PRPF8: variants seen among roughly 807,000 people sequenced by gnomAD.
The protein encoded by PRPF8 is pre-mRNA-processing-splicing factor 8.
PRPF8 carries 64 observed loss-of-function variants against 285.9 expected under a neutral mutation model. The ratio of observed to expected loss-of-function variants is 0.22; its 90% CI spans 0.18 to 0.28. PRPF8 has a LOEUF of 0.28. PRPF8 is among the 10% of genes least tolerant of loss of function. The pLI is 1.00. For synonymous variants in PRPF8, 1,325 were observed against 1,118.2 expected, an observed-to-expected ratio of 1.18 and a Z score of -3.69; for missense variants, 1,426 against 3,026.7, an observed-to-expected ratio of 0.47 and a Z score of 12.41.
rs1156684617 is a variant in PRPF8, at chr17:1,658,474, TC to T, written c.5376+51del. ...TGTGTACACACTTAGCCCATTACTC[TC>T]CCACAGCCATGTACAGAGTCCCGCA... On this transcript the variant is annotated intron_variant, in intron 33 of 42. Transcript: ENST00000304992. The surrounding 1 kb of genome is among the most constrained non-coding windows in gnomAD (Gnocchi z 4.1). 3 of 1,613,358 alleles carry T rather than the reference TC, an allele frequency of 1.9e-6. No homozygotes were observed. The highest frequency in any genetic ancestry group is 2.5e-6 in the Non-Finnish European group (3 of 1,179,452).
chr17:1,653,602 G>C lies in PRPF8; in HGVS notation c.6309C>G (p.Thr2103=). Residue 2103 remains threonine, a synonymous_variant, in exon 39 of 43, where the codon ACC becomes ACG. Transcript: ENST00000304992. This position sits in a 1 kb window ranked among gnomAD's most constrained non-coding sequence, Gnocchi z 4.9. ...TAAGCACATTCTTGGGAAGGATGTAGGTGTAGCCAGTCTCCTTGATGTCGT... is the reference window on the plus strand; with the variant it reads ...TAAGCACATTCTTGGGAAGGATGTACGTGTAGCCAGTCTCCTTGATGTCGT... ...SSDDIKETGY[T]YILPKNVLKK... The C allele has an allele frequency of 6.2e-7, 1 of 1,614,210 alleles. No homozygotes were observed. Among genetic ancestry groups the C allele is most frequent in the Non-Finnish European group, 8.5e-7 (1 of 1,180,042 alleles).
intron 3 of PRPF8, 188 bp downstream of exon 3, chr17:1,683,345 G>C (rs1913041428): frequency 1.4e-6 from 1 of 702,726 alleles, no homozygotes; most frequent in African/African-American, 1.8e-5. Flanking sequence ...ACCAGTCCCA[G>C]ATCGGGAAGA....
At chr17:1,683,273 G>T in intron 3 of PRPF8, 1 of 504,548 alleles carries the variant, frequency 2.0e-6, no homozygotes, top group Non-Finnish European at 3.6e-6. Context: ...GGGATTACAG[G>T]CATGAGCCAC....
At chr17:1,663,215 A>C (rs535371111) in intron 24 of PRPF8, among the ~76,000 whole-genome samples, 90 of 152,316 alleles carry the variant, frequency 5.9e-4, no homozygotes, top group Non-Finnish European at 1.0e-3. Context: ...AAAACCATGT[A>C]GCCAAATAAG....
rs540982516 is a variant in PRPF8, at chr17:1,656,864, G to C, written c.5506-103C>G. The C allele has an allele frequency of 1.9e-5, 20 of 1,026,030 alleles. No homozygotes were observed. The South Asian group carries it at 2.4e-4, about 13-fold the overall frequency. The allele number at this position is 1,026,030 out of a possible 1,614,324, so 63.6% of individuals were successfully genotyped here. On this transcript the variant is annotated intron_variant, in intron 34 of 42. Transcript: ENST00000304992. ...GAAATAATCCAACTACGTTTCTATT[G>C]AACACTGATGTTAAATGTTAGGCAC...
chr17:1,667,057 C>T (rs1051118959), intron 24 of PRPF8, among the ~76,000 whole-genome samples: 3 of 152,072 alleles, frequency 2.0e-5, no homozygotes, highest in Non-Finnish European at 4.4e-5. Flanking sequence ...CCTGTAATCC[C>T]AGCTACTCAG....
intron 30 of PRPF8, 64 bp from the exon 31 acceptor site, chr17:1,660,065 C>A: frequency 6.4e-7 from 1 of 1,558,808 alleles, no homozygotes; most frequent in South Asian, 1.1e-5. Flanking sequence ...AGAGTTTGTA[C>A]AATAAGATAA....
chr17:1,650,729 T>G lies in PRPF8; in HGVS notation c.*73A>C. Reference sequence around the variant, plus strand: ...GACAGAGGGAAAGAGGCCAAACTGCTGAATGTCAGCGGCCTGTCTGGAGGG... The same window carrying G: ...GACAGAGGGAAAGAGGCCAAACTGCGGAATGTCAGCGGCCTGTCTGGAGGG... On this transcript the variant is annotated 3_prime_UTR_variant, in exon 43 of 43. Coordinates refer to ENST00000304992, the MANE Select transcript of PRPF8 (RefSeq NM_006445.4). 1 of 1,577,158 alleles carries G rather than the reference T, an allele frequency of 6.3e-7. No individual in the cohort carries two copies. Among genetic ancestry groups the G allele is most frequent in the Non-Finnish European group, 8.7e-7 (1 of 1,148,400 alleles).
rs772763519 is a variant in PRPF8 at position 1,680,732 on chromosome 17, T to C, written c.1092A>G (p.Ser364=). Residue 364 remains serine, a synonymous_variant, in exon 8 of 43, where the codon TCA becomes TCG. Coordinates refer to ENST00000304992, the MANE Select transcript of PRPF8 (RefSeq NM_006445.4). ...PLINPISHRH[S]VKSQEPLPDD... ...CATCCCTTCCCTTCCTCACCTTGAC[T>C]GAGTGCCTATGGGAGATTGGGTTGA... The C allele has an allele frequency of 6.2e-7, 1 of 1,612,128 alleles. No homozygotes were observed. Among genetic ancestry groups the C allele is most frequent in the East Asian group, 2.2e-5 (1 of 44,872 alleles).
In PRPF8 at chr17:1,658,637, T is replaced by A. The variant is rs777758621; in HGVS notation, c.5265A>T (p.Ser1755=). The change falls in exon 33 of 43, where the codon TCA becomes TCT. Residue 1755 remains serine, a synonymous_variant. Transcript: ENST00000304992. This position sits in a 1 kb window ranked among gnomAD's most constrained non-coding sequence, Gnocchi z 4.1. ...ACAAATAAGGCTCAGTGGGTTCAGA[T>A]GAATAGAGCTGTAGCCCCTTGCGGA... is the stretch of plus-strand genomic sequence containing the variant. ...ERIRKGLQLY[S]SEPTEPYLSS... 4 of 1,614,218 alleles carry A rather than the reference T, an allele frequency of 2.5e-6. No homozygotes were observed. Among genetic ancestry groups the A allele is most frequent in the South Asian group, 1.1e-5 (1 of 91,090 alleles).
At chr17:1,668,501 C>A (rs1164027035) in intron 24 of PRPF8, among the ~76,000 whole-genome samples, 1 of 151,506 alleles carries the variant, frequency 6.6e-6, no homozygotes, top group South Asian at 2.1e-4. Flanking sequence ...TAGCTGGGAC[C>A]ACAGGCGCCC....
chr17:1,653,601 AG>A lies in PRPF8; in HGVS notation c.6309del (p.Tyr2104ThrfsTer28), dbSNP rs1180288599. The A allele has an allele frequency of 6.2e-7, 1 of 1,614,232 alleles. No homozygotes were observed. The highest frequency in any genetic ancestry group is 8.5e-7 in the Non-Finnish European group (1 of 1,180,038). On this transcript the variant is annotated frameshift_variant, in exon 39 of 43. Transcript: ENST00000304992. LOFTEE classifies it high-confidence loss of function. The surrounding 1 kb of genome is among the most constrained non-coding windows in gnomAD (Gnocchi z 4.9). ...SSDDIKETGY[T>X]YILPKNVLKK... ...TTAAGCACATTCTTGGGAAGGATGTAGGTGTAGCCAGTCTCCTTGATGTCGT... is the reference window on the plus strand; with the variant it reads ...TTAAGCACATTCTTGGGAAGGATGTAGTGTAGCCAGTCTCCTTGATGTCGT...
At position 1,656,539 on chromosome 17, in the gene PRPF8, A is replaced by G. The variant is rs774213700; in HGVS notation, c.5646T>C (p.Ile1882=). 3.1e-5 allele frequency: 50 copies of G among 1,614,020 alleles called. No individual in the cohort carries two copies. In the South Asian group the frequency reaches 5.2e-4, roughly 17 times the overall value. The change falls in exon 36 of 43, where the codon ATT becomes ATC. Residue 1882 remains isoleucine, a synonymous_variant. Coordinates refer to ENST00000304992, the MANE Select transcript of PRPF8 (RefSeq NM_006445.4). ...LEVHLLDFPN[I]VIKGSELQLP... Reference sequence around the variant, plus strand: ...GTTGGAGCTCCGATCCTTTGATGACAATATTGGGGAAGTCCAGTAAGTGCA... The same window carrying G: ...GTTGGAGCTCCGATCCTTTGATGACGATATTGGGGAAGTCCAGTAAGTGCA...
chr17:1,677,126 C>T lies in PRPF8; in HGVS notation c.2031G>A (p.Val677=). Residue 677 remains valine (V), a synonymous_variant, in exon 15 of 43, where the codon GTG becomes GTA. Coordinates refer to ENST00000304992, the MANE Select transcript of PRPF8 (RefSeq NM_006445.4). ...GVAKTVTKQR[V]ESHFDLELRA... The stretch of plus-strand genomic sequence containing the variant: ...GCAGCTCAAGGTCAAAATGTGACTC[C>T]ACTCGCTGCTTTGTTACTGTCTTTG... 6.2e-7 allele frequency: 1 copy of T among 1,613,930 alleles called. No homozygotes were observed. The highest frequency in any genetic ancestry group is 1.1e-5 in the South Asian group (1 of 91,062).
chr17:1,674,994 C>T (rs1489309793), intron 20 of PRPF8, among the ~76,000 whole-genome samples, 158 bp downstream of exon 20: 1 of 151,932 alleles, frequency 6.6e-6, no homozygotes, highest in African/African-American at 2.4e-5. Flanking sequence ...AGACTGGTCT[C>T]GAACTCCTGA....
rs2151108937 is a variant in PRPF8 at position 1,650,842 on chromosome 17, C to T, written c.6968G>A (p.Gly2323Glu). The change falls in exon 43 of 43, where the codon GGG (glycine) becomes GAG (glutamate). Residue 2323 changes from glycine (G) to glutamate (E), a missense_variant. Coordinates refer to ENST00000304992, the MANE Select transcript of PRPF8 (RefSeq NM_006445.4). Reference sequence around the variant, plus strand: ...CTCCCGATCCGCAGAGTAAACCTCCCCCTCCTGCAGGAGAGCAAAGTTGAG... The same window carrying T: ...CTCCCGATCCGCAGAGTAAACCTCCTCCTCCTGCAGGAGAGCAAAGTTGAG... The part of the protein sequence containing the change: ...HFLNFALLQE[G>E]EVYSADREDL... 6.2e-7 allele frequency: 1 copy of T among 1,614,154 alleles called. No individual in the cohort carries two copies. The highest frequency in any genetic ancestry group is 1.3e-5 in the African/African-American group (1 of 75,032).
chr17:1,653,280 G>A lies in PRPF8; in HGVS notation c.6369+262C>T. On this transcript the variant is annotated intron_variant, in intron 39 of 42. Coordinates refer to ENST00000304992, the MANE Select transcript of PRPF8 (RefSeq NM_006445.4). This position sits in a 1 kb window ranked among gnomAD's most constrained non-coding sequence, Gnocchi z 4.9. The stretch of plus-strand genomic sequence containing the variant: ...AGGCATGAGCCAGCACGCACACCTG[G>A]TCAGGAATTTGTTTCTGACCATATC... 1 of 591,814 alleles carries A rather than the reference G, an allele frequency of 1.7e-6. No homozygotes were observed. Among genetic ancestry groups the A allele is most frequent in the Non-Finnish European group, 3.0e-6 (1 of 329,534 alleles). The allele number at this position is 591,814 out of a possible 1,614,324, so 36.7% of individuals were successfully genotyped here.
rs754562492 is a variant in PRPF8, at chr17:1,656,675, G to A, written c.5592C>T (p.Thr1864=). ...VEEQPKQIIV[T]RKGMLDPLEV... ...CCAGTGGGTCCAGCATGCCCTTCCT[G>A]GTGACAATGATCTGCTTGGGCTGCT... The change falls in exon 35 of 43, where the codon ACC becomes ACT. Residue 1864 remains threonine, a synonymous_variant. Transcript: ENST00000304992. The A allele has an allele frequency of 1.2e-6, 2 of 1,614,102 alleles. No homozygotes were observed. The highest frequency in any genetic ancestry group is 1.7e-6 in the Non-Finnish European group (2 of 1,180,020).
chr17:1,672,728 C>A (rs1216174972), intron 24 of PRPF8, among the ~76,000 whole-genome samples: 2 of 152,154 alleles, frequency 1.3e-5, no homozygotes, highest in African/African-American at 4.8e-5. Flanking sequence ...ATGAGGGCTG[C>A]TTTTTCACAG....
Sources: allele counts gnomAD v4.1 joint callset (sites outside exome capture counted in the v4.1 genomes callset), GRCh38; gene constraint gnomAD v4.1.1; non-coding constraint Gnocchi (gnomAD v3.1); transcripts MANE v1.5; gene names NCBI Gene and HGNC (gene_info 2026-07-23, HGNC 2026-07-21).